Variants in PID1 observed in about 807,000 individuals in gnomAD.
PID1 encodes PTB-containing, cubilin and LRP1-interacting protein.
In PID1, 10 loss-of-function variants were observed where a neutral mutation model predicts 19.1. The ratio of observed to expected loss-of-function variants is 0.52; its 90% CI spans 0.32 to 0.89. PID1 has a LOEUF of 0.89. Ranked by LOEUF, PID1 falls within the 40% of genes least tolerant of loss-of-function variation. PID1 has a pLI of 0.03. For missense variants in PID1, 248 were observed against 285.3 expected (o/e 0.87, Z 0.94); for synonymous variants, 130 against 116.0 (o/e 1.12, Z -0.78).
intron 2 of PID1, among the ~76,000 whole-genome samples, chr2:229,050,803 T>C (rs937415164): frequency 6.6e-6 from 1 of 151,590 alleles, no homozygotes; most frequent in Non-Finnish European, 1.5e-5. Context: ...GTCTTGGGAG[T>C]GGCATAAAGG....
chr2:229,030,823 G>A (rs1693532946), intron 2 of PID1, among the ~76,000 whole-genome samples: 1 of 152,090 alleles, frequency 6.6e-6, no homozygotes, highest in Non-Finnish European at 1.5e-5. Flanking sequence ...TTGTATTTTG[G>A]AGGTGTACTG....
At chr2:229,208,171 G>C (rs566840945) in intron 1 of PID1, among the ~76,000 whole-genome samples, 1 of 152,256 alleles carries the variant, frequency 6.6e-6, no homozygotes, top group South Asian at 2.1e-4. Context: ...ATTTCTGGTT[G>C]CCTCCAGATC....
At chr2:229,108,218 G>A (rs993052155) in intron 2 of PID1, among the ~76,000 whole-genome samples, 4 of 152,196 alleles carry the variant, frequency 2.6e-5, no homozygotes, top group Non-Finnish European at 4.4e-5. Flanking sequence ...GAGATCAGAA[G>A]CAATCCTTTT....
chr2:229,133,288 A>G (rs1689782726), intron 2 of PID1, among the ~76,000 whole-genome samples: 1 of 152,242 alleles, frequency 6.6e-6, no homozygotes, highest in Non-Finnish European at 1.5e-5. Context: ...GGAAAGTAAC[A>G]CTTCCAGGCA....
At chr2:229,191,981 G>A (rs1691269479) in intron 1 of PID1, among the ~76,000 whole-genome samples, 2 of 151,920 alleles carry the variant, frequency 1.3e-5, no homozygotes, top group African/African-American at 4.8e-5. Flanking sequence ...TAATATTAGT[G>A]GTTTTCCTAA....
At chr2:229,177,734 T>A (rs1690853969) in intron 1 of PID1, among the ~76,000 whole-genome samples, 1 of 152,176 alleles carries the variant, frequency 6.6e-6, no homozygotes, top group African/African-American at 2.4e-5. Context: ...TCTTTCATCA[T>A]CATCATCATC....
chr2:229,115,982 A>G (rs1414387921), intron 2 of PID1, among the ~76,000 whole-genome samples: 1 of 152,096 alleles, frequency 6.6e-6, no homozygotes, highest in Non-Finnish European at 1.5e-5. Context: ...GCACTTTGGG[A>G]GGCCGAAGTG....
chr2:229,088,612 C>G (rs571944393), intron 2 of PID1, among the ~76,000 whole-genome samples: 2 of 152,070 alleles, frequency 1.3e-5, no homozygotes, highest in Admixed American at 6.6e-5. Context: ...GTACTATGGA[C>G]CTGAAATAGA....
intron 1 of PID1, among the ~76,000 whole-genome samples, chr2:229,240,749 T>C (rs1689847069): frequency 6.6e-6 from 1 of 152,158 alleles, no homozygotes; most frequent in South Asian, 2.1e-4. Flanking sequence ...CAAGTTAATA[T>C]TTTTCACCAA....
intron 1 of PID1, among the ~76,000 whole-genome samples, chr2:229,201,138 T>G (rs931588583): frequency 6.6e-6 from 1 of 152,114 alleles, no homozygotes; most frequent in Admixed American, 6.6e-5. Context: ...AACTTAAAAT[T>G]TAATATCTTC....
At chr2:229,195,632 T>G (rs962010461) in intron 1 of PID1, among the ~76,000 whole-genome samples, 1 of 151,934 alleles carries the variant, frequency 6.6e-6, no homozygotes, top group African/African-American at 2.4e-5. Flanking sequence ...GATAATTATT[T>G]TTTTCATAAC....
At chr2:229,101,092 G>C (rs553860820) in intron 2 of PID1, among the ~76,000 whole-genome samples, 2 of 152,302 alleles carry the variant, frequency 1.3e-5, no homozygotes, top group Admixed American at 1.3e-4. Context: ...ATGGAAACTT[G>C]GGGAGGATGG....
intron 2 of PID1, among the ~76,000 whole-genome samples, chr2:229,100,414 C>A (rs2106227448): frequency 6.6e-6 from 1 of 152,170 alleles, no homozygotes; most frequent in South Asian, 2.1e-4. Context: ...ATTAGAAAAA[C>A]TACAAAGGAA....
Position 229,024,034 on chromosome 2 carries a change from G to A in PID1, c.*1598C>T, listed in dbSNP as rs1693356906. On this transcript the variant is annotated 3_prime_UTR_variant, in exon 3 of 3. Coordinates refer to ENST00000392055, the MANE Select transcript of PID1 (RefSeq NM_001100818.2). ...TTTATTAAAGAATGAATGCATTTAT[G>A]CTAAAGAATAGCTTACATATGTTGT... 6.6e-6 allele frequency: 1 copy of A among 152,590 alleles called. No individual in the cohort carries two copies. Among genetic ancestry groups the A allele is most frequent in the East Asian group, 1.9e-4 (1 of 5,198 alleles). 9.5% of individuals were successfully genotyped at this position (152,590 alleles called of 1,614,324 possible). A position where few individuals can be genotyped will look rare whatever the true frequency, so the allele number is the denominator to read the frequency against.
intron 1 of PID1, among the ~76,000 whole-genome samples, chr2:229,223,002 T>C (rs1332780621): frequency 6.6e-6 from 1 of 152,162 alleles, no homozygotes; most frequent in African/African-American, 2.4e-5. Flanking sequence ...CTTCCAATTT[T>C]TACTATTATA....
At chr2:229,039,870 A>T (rs535997268) in intron 2 of PID1, among the ~76,000 whole-genome samples, 31 of 152,314 alleles carry the variant, frequency 2.0e-4, no homozygotes, top group African/African-American at 7.0e-4. Context: ...ATGTCTTTTG[A>T]ATCATCAATA....
chr2:229,037,807 C>T (rs551205324), intron 2 of PID1, among the ~76,000 whole-genome samples: 16 of 152,022 alleles, frequency 1.1e-4, no homozygotes, highest in Admixed American at 3.3e-4. Context: ...TGCTGAAAAG[C>T]GACAGAAATT....
intron 2 of PID1, among the ~76,000 whole-genome samples, chr2:229,132,310 G>A (rs1362765284): frequency 6.6e-6 from 1 of 152,116 alleles, no homozygotes; most frequent in African/African-American, 2.4e-5. Flanking sequence ...TCAAGCTCTG[G>A]CTCCTTTGTA....
At position 229,038,624 on chromosome 2, in the gene PID1, A is replaced by G. The variant is rs190752549; in HGVS notation, c.178-12516T>C. Among the ~76,000 whole-genome samples the G allele has an allele frequency of 1.4e-3, 220 of 152,306 alleles. 1 individual carries two copies. The highest frequency in any genetic ancestry group is 1.6e-3 in the Non-Finnish European group (109 of 68,020). On this transcript the variant is annotated intron_variant, in intron 2 of 2. Coordinates refer to ENST00000392055, the MANE Select transcript of PID1 (RefSeq NM_001100818.2). Reference sequence around the variant, plus strand: ...AATACTAATTGTAAGGATAACTCAAACCAAAGAAATATTTAAACTTAAAGA... The same window carrying G: ...AATACTAATTGTAAGGATAACTCAAGCCAAAGAAATATTTAAACTTAAAGA...
Sources: gnomAD v4.1 joint callset for allele counts (sites outside exome capture counted in the v4.1 genomes callset) on GRCh38, gnomAD v4.1.1 for gene constraint, MANE v1.5 for transcripts, NCBI Gene and HGNC (gene_info 2026-07-23, HGNC 2026-07-21) for gene names.